Variants in PHLPP1 observed in about 807,000 individuals in gnomAD.
The protein encoded by PHLPP1 is PH domain and leucine rich repeat protein phosphatase 1, also known as PH domain leucine-rich repeat-containing protein phosphatase 1.
PHLPP1 carries 42 observed loss-of-function variants against 117.2 expected under a neutral mutation model. The observed-to-expected ratio is 0.36, with a 90% CI of 0.28 to 0.46. The LOEUF is 0.46. PHLPP1 is among the 20% of genes least tolerant of loss of function. The pLI, the probability that PHLPP1 is intolerant of heterozygous loss-of-function variation, is 1.00. For missense variants in PHLPP1, 2,084 were observed against 2,241.9 expected, an observed-to-expected ratio of 0.93 and a Z score of 1.42; for synonymous variants, 1,042 against 970.7, an observed-to-expected ratio of 1.07 and a Z score of -1.37.
At chr18:62,717,957 C>G (rs982705485) in intron 1 of PHLPP1, among the ~76,000 whole-genome samples, 1 of 152,084 alleles carries the variant, frequency 6.6e-6, no homozygotes, top group Non-Finnish European at 1.5e-5. Context: ...CAGAACTGAC[C>G]ACCGCAATAC....
chr18:62,768,793 A>T (rs1480076901), intron 1 of PHLPP1, among the ~76,000 whole-genome samples: 1 of 152,232 alleles, frequency 6.6e-6, no homozygotes, highest in Non-Finnish European at 1.5e-5. Flanking sequence ...GATGGGGGAA[A>T]AAAAGACTAG....
At chr18:62,872,401 G>A (rs574677923) in intron 4 of PHLPP1, among the ~76,000 whole-genome samples, 1 of 152,034 alleles carries the variant, frequency 6.6e-6, no homozygotes, top group Non-Finnish European at 1.5e-5. Flanking sequence ...TTCAAGAAGG[G>A]GAGGTCAGAG....
At chr18:62,849,013 A>G (rs1437002157) in intron 3 of PHLPP1, among the ~76,000 whole-genome samples, 1 of 152,230 alleles carries the variant, frequency 6.6e-6, no homozygotes, top group East Asian at 1.9e-4. Context: ...CAGAGTTGGC[A>G]GCAGAATCCA....
intron 4 of PHLPP1, among the ~76,000 whole-genome samples, chr18:62,879,481 G>A (rs1358832089): frequency 1.3e-5 from 2 of 151,332 alleles, no homozygotes; most frequent in African/African-American, 2.4e-5. Context: ...GTGTGATCTC[G>A]GCTCACTGCA....
intron 10 of PHLPP1, among the ~76,000 whole-genome samples, chr18:62,928,800 G>A (rs1703216826): frequency 6.6e-6 from 1 of 152,172 alleles, no homozygotes; most frequent in Admixed American, 6.5e-5. Flanking sequence ...AATAGATAGT[G>A]GAATATTATT....
At chr18:62,845,616 G>A (rs1445922745) in intron 3 of PHLPP1, among the ~76,000 whole-genome samples, 1 of 152,048 alleles carries the variant, frequency 6.6e-6, no homozygotes, top group Non-Finnish European at 1.5e-5. Flanking sequence ...GTGTTATTAG[G>A]TGTAATTACA....
Position 62,863,559 on chromosome 18 carries a change from G to A in PHLPP1, c.2066+2958G>A, listed in dbSNP as rs151141950. Among the ~76,000 whole-genome samples, 14 of 152,238 alleles carry A rather than the reference G, an allele frequency of 9.2e-5. No homozygotes were observed. In the East Asian group the frequency reaches 2.3e-3, roughly 25 times the overall value. ...AATCAGTGGGGTAGATTATTTATGA[G>A]TGTTCTGGGAAAGGGGTAGCCAAGT... On this transcript the variant is annotated intron_variant, in intron 4 of 16. Transcript: ENST00000262719.
chr18:62,796,462 C>T (rs1215074419), intron 1 of PHLPP1, among the ~76,000 whole-genome samples: 1 of 152,144 alleles, frequency 6.6e-6, no homozygotes, highest in Admixed American at 6.5e-5. Flanking sequence ...AGACTTTGAA[C>T]CTAGTAGAGG....
intron 1 of PHLPP1, among the ~76,000 whole-genome samples, chr18:62,794,948 C>T (rs1169463035): frequency 6.6e-6 from 1 of 151,980 alleles, no homozygotes; most frequent in African/African-American, 2.4e-5. Flanking sequence ...CTCTTAAGGG[C>T]AATAGAATAA....
chr18:62,878,825 T>C (rs1461441237), intron 4 of PHLPP1, among the ~76,000 whole-genome samples: 2 of 152,086 alleles, frequency 1.3e-5, no homozygotes, highest in Middle Eastern at 3.2e-3. Context: ...AGGGGAGATA[T>C]TATCTGATAC....
intron 12 of PHLPP1, among the ~76,000 whole-genome samples, chr18:62,947,017 C>T (rs983404350): frequency 3.9e-5 from 6 of 152,204 alleles, no homozygotes; most frequent in African/African-American, 7.2e-5. Flanking sequence ...CGTGCCACTG[C>T]GCTCCAGCCT....
chr18:62,810,616 G>A (rs2144311001), intron 1 of PHLPP1, among the ~76,000 whole-genome samples: 1 of 152,214 alleles, frequency 6.6e-6, no homozygotes, highest in East Asian at 1.9e-4. Context: ...TTATATGTAC[G>A]TGGTTTCTTT....
At chr18:62,915,398 A>G (rs1909237271) in intron 9 of PHLPP1, among the ~76,000 whole-genome samples, 1 of 152,174 alleles carries the variant, frequency 6.6e-6, no homozygotes, top group Admixed American at 6.6e-5. Context: ...TGTTCTCCCT[A>G]GACTTTAACT....
chr18:62,945,869 A>G (rs143216678), intron 12 of PHLPP1, among the ~76,000 whole-genome samples: 2 of 152,346 alleles, frequency 1.3e-5, no homozygotes, highest in East Asian at 1.9e-4. Flanking sequence ...TAAGACAGCA[A>G]ATTGGTAGCA....
intron 1 of PHLPP1, among the ~76,000 whole-genome samples, chr18:62,746,776 T>G (rs1023646645): frequency 4.7e-5 from 7 of 149,252 alleles, no homozygotes; most frequent in African/African-American, 1.2e-4. Context: ...TGTATGTGGG[T>G]TTTTTTTTTC....
At chr18:62,746,681 ATT>A (rs35106832) in intron 1 of PHLPP1, among the ~76,000 whole-genome samples, 1 of 145,584 alleles carries the variant, frequency 6.9e-6, no homozygotes, top group Non-Finnish European at 1.5e-5. Context: ...TTCAGATGTG[ATT>A]TTTTTTTTTT....
chr18:62,723,101 CGTAAAGTGT>C (rs1910973288), intron 1 of PHLPP1, among the ~76,000 whole-genome samples: 1 of 152,080 alleles, frequency 6.6e-6, no homozygotes, highest in Admixed American at 6.6e-5. Context: ...TTTTATACAT[CGTAAAGTGT>C]GTTTAACAAT....
Position 62,753,657 on chromosome 18 carries a change from C to T in PHLPP1, c.1576+36398C>T, listed in dbSNP as rs1599026768. Among the ~76,000 whole-genome samples the T allele has an allele frequency of 2.0e-5, 3 of 152,102 alleles. No homozygotes were observed. The South Asian group carries it at 6.2e-4, about 32-fold the overall frequency. ...ACTAAACATTGAGACAGGAGCATGCCCTGTCCATGCTGCCCACTCTAGGAT... is the reference window on the plus strand; with the variant it reads ...ACTAAACATTGAGACAGGAGCATGCTCTGTCCATGCTGCCCACTCTAGGAT... On this transcript the variant is annotated intron_variant, in intron 1 of 16. Coordinates refer to ENST00000262719, the MANE Select transcript of PHLPP1 (RefSeq NM_194449.4).
chr18:62,975,729 T>G (rs1911169904), intron 16 of PHLPP1, 104 bp downstream of exon 16: 1 of 728,832 alleles, frequency 1.4e-6, no homozygotes, highest in Non-Finnish European at 2.4e-6. Context: ...AGAACACTTT[T>G]GAAGTTGGTT....
Sources: allele counts gnomAD v4.1 joint callset (sites outside exome capture counted in the v4.1 genomes callset), GRCh38; gene constraint gnomAD v4.1.1; transcripts MANE v1.5; gene names NCBI Gene and HGNC (gene_info 2026-07-23, HGNC 2026-07-21).